Variants in CNTNAP2 observed in about 807,000 individuals in gnomAD.
CNTNAP2 encodes the protein contactin-associated protein-like 2.
In CNTNAP2, 98 loss-of-function variants were observed where a neutral mutation model predicts 155.2. That is an observed-to-expected ratio of 0.63 (90% CI 0.54 to 0.75). The LOEUF is 0.75. Among genes scored for constraint, CNTNAP2 ranks in the 30% least tolerant of loss-of-function variants. The pLI is 0.00. For missense variants in CNTNAP2, 1,727 were observed against 1,688.1 expected (o/e 1.02, Z -0.40); for synonymous variants, 651 against 631.2 (o/e 1.03, Z -0.47).
chr7:148,414,981 C>T (rs560609066), intron 23 of CNTNAP2: 47 of 283,776 alleles, frequency 1.7e-4, no homozygotes, highest in Middle Eastern at 1.3e-3. Flanking sequence ...CTCTCTCGCG[C>T]GCCCACTCTA....
chr7:147,619,887 G>T (rs1419315372), intron 12 of CNTNAP2, among the ~76,000 whole-genome samples: 1 of 152,176 alleles, frequency 6.6e-6, no homozygotes, highest in Admixed American at 6.5e-5. Context: ...ACCCAGTCCT[G>T]TGCTGGCTTT....
At chr7:147,889,006 A>T (rs1388781216) in intron 13 of CNTNAP2, among the ~76,000 whole-genome samples, 1 of 152,164 alleles carries the variant, frequency 6.6e-6, no homozygotes, top group Non-Finnish European at 1.5e-5. Flanking sequence ...TAGATGAAAT[A>T]CCTTATATGT....
chr7:147,071,044 T>G (rs551735135), intron 4 of CNTNAP2, among the ~76,000 whole-genome samples: 1 of 152,196 alleles, frequency 6.6e-6, no homozygotes, highest in Non-Finnish European at 1.5e-5. Flanking sequence ...CTCTGTGTCT[T>G]CAACTCTGTG....
At chr7:147,345,597 G>A (rs912724404) in intron 9 of CNTNAP2, among the ~76,000 whole-genome samples, 6 of 152,134 alleles carry the variant, frequency 3.9e-5, no homozygotes, top group African/African-American at 1.4e-4. Context: ...TTATTTTGCT[G>A]GGTTAAAACA....
At chr7:147,425,477 G>GA (rs11409184) in intron 10 of CNTNAP2, among the ~76,000 whole-genome samples, 39,988 of 151,742 alleles carry the variant, frequency 0.26, 6,059 homozygotes, top group African/African-American at 0.41. Flanking sequence ...CAACTCTCCT[G>GA]AAAAACCCCA....
intron 21 of CNTNAP2, among the ~76,000 whole-genome samples, chr7:148,294,042 A>T (rs1244704795): frequency 9.5e-5 from 1 of 10,532 alleles, no homozygotes; most frequent in East Asian, 3.2e-3. Context: ...TCCATCTCAA[A>T]AAAAAAAAAA....
At chr7:147,591,848 A>G (rs1800740092) in intron 12 of CNTNAP2, among the ~76,000 whole-genome samples, 1 of 146,308 alleles carries the variant, frequency 6.8e-6, no homozygotes, top group African/African-American at 2.8e-5. Flanking sequence ...GTCAGCTACA[A>G]CAATAGTAAA....
chr7:146,199,063 CCTT>C (rs1158896080), intron 1 of CNTNAP2, among the ~76,000 whole-genome samples: 1 of 152,154 alleles, frequency 6.6e-6, no homozygotes, highest in Non-Finnish European at 1.5e-5. Flanking sequence ...TCCACTATCT[CCTT>C]CTCCAAATAA....
At chr7:148,024,292 GA>G (rs1407267601) in intron 15 of CNTNAP2, among the ~76,000 whole-genome samples, 2 of 151,882 alleles carry the variant, frequency 1.3e-5, no homozygotes, top group Non-Finnish European at 2.9e-5. Flanking sequence ...AGTTAATTTG[GA>G]AATTGTGGCC....
At chr7:147,245,714 A>G (rs1051955389) in intron 8 of CNTNAP2, among the ~76,000 whole-genome samples, 7 of 140,206 alleles carry the variant, frequency 5.0e-5, no homozygotes. Context: ...GTAAGCTGAG[A>G]TCATGCCACT....
chr7:147,993,111 A>G (rs1388630916), intron 15 of CNTNAP2, among the ~76,000 whole-genome samples: 1 of 152,342 alleles, frequency 6.6e-6, no homozygotes, highest in African/African-American at 2.4e-5. Flanking sequence ...CAGGATTGCT[A>G]TGAGAGAACC....
chr7:146,601,809 G>C (rs1466145743), intron 1 of CNTNAP2, among the ~76,000 whole-genome samples: 1 of 151,850 alleles, frequency 6.6e-6, no homozygotes. Flanking sequence ...CATAGGAAAT[G>C]GTATGAATGC....
Position 147,677,105 on chromosome 7 carries a change from A to T in CNTNAP2, c.2098+37799A>T, listed in dbSNP as rs185330084. 2.4e-4 allele frequency among the ~76,000 whole-genome samples: 37 copies of T among 151,548 alleles called. No individual in the cohort carries two copies. The East Asian group carries it at 3.5e-3, about 14-fold the overall frequency. ...TTTTGAGGAACCTCCATACTGTTTT[A>T]AATACTGGCTAGTTTACATTATCAC... On this transcript the variant is annotated intron_variant, in intron 13 of 23. Coordinates refer to ENST00000361727, the MANE Select transcript of CNTNAP2 (RefSeq NM_014141.6).
intron 11 of CNTNAP2, among the ~76,000 whole-genome samples, chr7:147,558,240 T>C (rs569705293): frequency 6.6e-5 from 10 of 152,232 alleles, no homozygotes; most frequent in Non-Finnish European, 1.3e-4. Context: ...TTTGACATTA[T>C]GGTTTTGCAT....
Position 147,395,742 on chromosome 7 carries a change from CGCGAATGTCA to C in CNTNAP2, c.1635_1644del (p.Asn546LeufsTer7). 1 of 1,612,410 alleles carries C rather than the reference CGCGAATGTCA, an allele frequency of 6.2e-7. No individual in the cohort carries two copies. Among genetic ancestry groups the C allele is most frequent in the Non-Finnish European group, 8.5e-7 (1 of 1,178,810 alleles). ...TGGCACAAAGGAAGCCGGGAAGTTTCGCGAATGTCAGCATTGACATGTGTGCGATCATAGA... is the reference window on the plus strand; with the variant it reads ...TGGCACAAAGGAAGCCGGGAAGTTTCGCATTGACATGTGTGCGATCATAGA... On this transcript the variant is annotated frameshift_variant, in exon 10 of 24. Coordinates refer to ENST00000361727, the MANE Select transcript of CNTNAP2 (RefSeq NM_014141.6). LOFTEE classifies it high-confidence loss of function.
chr7:147,929,812 A>G (rs989005269), intron 14 of CNTNAP2, among the ~76,000 whole-genome samples: 8 of 152,142 alleles, frequency 5.3e-5, no homozygotes, highest in Non-Finnish European at 1.0e-4. Flanking sequence ...ATGGAAGACA[A>G]TTTTTCTATG....
chr7:147,366,576 A>C (rs758121585), intron 9 of CNTNAP2, among the ~76,000 whole-genome samples: 1 of 151,840 alleles, frequency 6.6e-6, no homozygotes, highest in Non-Finnish European at 1.5e-5. Flanking sequence ...CTTAAGATGA[A>C]TTCTCAACTG....
At chr7:146,906,360 A>G (rs903651192) in intron 3 of CNTNAP2, among the ~76,000 whole-genome samples, 60 of 152,270 alleles carry the variant, frequency 3.9e-4, no homozygotes, top group Middle Eastern at 3.4e-3. Flanking sequence ...GGCACAGACA[A>G]ACAAAAAGAC....
chr7:147,919,751 C>T (rs1800234593), intron 14 of CNTNAP2, among the ~76,000 whole-genome samples: 1 of 151,682 alleles, frequency 6.6e-6, no homozygotes, highest in Non-Finnish European at 1.5e-5. Context: ...AGCCACCACG[C>T]CCAGCCTACA....
Sources: allele counts gnomAD v4.1 joint callset (sites outside exome capture counted in the v4.1 genomes callset), GRCh38; gene constraint gnomAD v4.1.1; transcripts MANE v1.5; gene names NCBI Gene and HGNC (gene_info 2026-07-23, HGNC 2026-07-21).